The following ST6GALNAC3 variants were observed in gnomAD, a reference collection of about 807,000 sequenced individuals.
The protein encoded by ST6GALNAC3 is ST6 N-acetylgalactosaminide alpha-2,6-sialyltransferase 3, also known as alpha-N-acetylgalactosaminide alpha-2,6-sialyltransferase 3.
A neutral mutation model predicts 32.7 loss-of-function variants in ST6GALNAC3; 25 were observed. The observed-to-expected ratio is 0.76, with a 90% CI of 0.56 to 1.07. ST6GALNAC3 has a LOEUF of 1.07. Among genes scored for constraint, ST6GALNAC3 ranks in the 50% least tolerant of loss-of-function variants. The probability of loss-of-function intolerance (pLI) is 0.00; values close to 1 mark genes in which losing one functional copy is unlikely to be tolerated. For missense variants in ST6GALNAC3, 355 were observed against 382.4 expected (o/e 0.93, Z 0.60); for synonymous variants, 129 against 133.1 (o/e 0.97, Z 0.21).
At chr1:76,201,077 G>A (rs1441760691) in intron 1 of ST6GALNAC3, among the ~76,000 whole-genome samples, 2 of 152,086 alleles carry the variant, frequency 1.3e-5, no homozygotes, top group Admixed American at 1.3e-4. Flanking sequence ...AGGAAAAAAG[G>A]CCAAGATTAT....
chr1:76,416,878 A>G (rs1654675649), intron 3 of ST6GALNAC3, among the ~76,000 whole-genome samples: 1 of 152,112 alleles, frequency 6.6e-6, no homozygotes, highest in Non-Finnish European at 1.5e-5. Flanking sequence ...CATCTTCCTT[A>G]GGCTCCCAAA....
chr1:76,485,274 T>C (rs1477945066), intron 3 of ST6GALNAC3, among the ~76,000 whole-genome samples: 1 of 152,184 alleles, frequency 6.6e-6, no homozygotes, highest in Admixed American at 6.5e-5. Flanking sequence ...TTTCTATTGA[T>C]TGGAATAGTT....
chr1:76,358,010 A>G (rs1649625128), intron 2 of ST6GALNAC3, among the ~76,000 whole-genome samples: 1 of 152,074 alleles, frequency 6.6e-6, no homozygotes, highest in South Asian at 2.1e-4. Context: ...CTTTTTCATT[A>G]TTTTTATTAA....
chr1:76,098,896 A>C (rs889628501), intron 1 of ST6GALNAC3, among the ~76,000 whole-genome samples: 1 of 152,076 alleles, frequency 6.6e-6, no homozygotes. Context: ...TAGAAACTAC[A>C]TTATTTTGCC....
chr1:76,634,760 C>T (rs1402923116), downstream of ST6GALNAC3, among the ~76,000 whole-genome samples: 3 of 32,126 alleles, frequency 9.3e-5, no homozygotes, highest in East Asian at 1.0e-3. Context: ...AGTGCAGTGG[C>T]GGGATCTCGG....
intron 3 of ST6GALNAC3, among the ~76,000 whole-genome samples, chr1:76,607,144 G>T (rs1295024928): frequency 6.6e-6 from 1 of 152,106 alleles, no homozygotes; most frequent in Admixed American, 6.5e-5. Context: ...CACCATTGCT[G>T]GTTTACTATA....
At chr1:76,407,893 C>A (rs912771424) in intron 2 of ST6GALNAC3, among the ~76,000 whole-genome samples, 8 of 151,904 alleles carry the variant, frequency 5.3e-5, no homozygotes, top group Admixed American at 4.6e-4. Flanking sequence ...GCCCCCAAAT[C>A]AAATAATATG....
intron 3 of ST6GALNAC3, among the ~76,000 whole-genome samples, chr1:76,472,559 T>G (rs1188006571): frequency 6.6e-6 from 1 of 152,138 alleles, no homozygotes; most frequent in African/African-American, 2.4e-5. Flanking sequence ...ACCCAGACTC[T>G]GCTACTCACT....
intron 2 of ST6GALNAC3, among the ~76,000 whole-genome samples, chr1:76,348,304 C>T (rs1216811125): frequency 6.6e-6 from 1 of 152,120 alleles, no homozygotes; most frequent in Non-Finnish European, 1.5e-5. Flanking sequence ...TCAGAGATCA[C>T]CTGTGATTTT....
At chr1:76,255,611 C>T (rs985138474) in intron 1 of ST6GALNAC3, among the ~76,000 whole-genome samples, 1 of 152,128 alleles carries the variant, frequency 6.6e-6, no homozygotes, top group Non-Finnish European at 1.5e-5. Flanking sequence ...TTCAAATGCA[C>T]TTTGCTACAG....
chr1:76,165,545 A>T (rs1400441456), intron 1 of ST6GALNAC3, among the ~76,000 whole-genome samples: 2 of 152,160 alleles, frequency 1.3e-5, no homozygotes, highest in Non-Finnish European at 2.9e-5. Context: ...CAGTAATGAG[A>T]TTACTAGGTC....
chr1:76,429,645 G>C (rs1454808328), intron 3 of ST6GALNAC3, among the ~76,000 whole-genome samples: 2 of 152,130 alleles, frequency 1.3e-5, no homozygotes, highest in African/African-American at 4.8e-5. Flanking sequence ...TAAGACTCTT[G>C]AGCACTGGAA....
At chr1:76,278,292 G>T (rs1470896026) in intron 1 of ST6GALNAC3, among the ~76,000 whole-genome samples, 1 of 133,814 alleles carries the variant, frequency 7.5e-6, no homozygotes, top group Non-Finnish European at 1.5e-5. Context: ...CGCGATCTCG[G>T]CTCACTGCAA....
chr1:76,244,260 G>T (rs774212152), intron 1 of ST6GALNAC3, among the ~76,000 whole-genome samples: 11 of 152,026 alleles, frequency 7.2e-5, no homozygotes, highest in Non-Finnish European at 1.3e-4. Flanking sequence ...TTTATTGTTG[G>T]TGTATAGGAA....
rs373351602 is a variant in ST6GALNAC3, at chr1:76,401,572, G to A, written c.214-10436G>A. Among the ~76,000 whole-genome samples, 39 of 152,146 alleles carry A rather than the reference G, an allele frequency of 2.6e-4. 1 individual carries two copies. The South Asian group carries it at 7.5e-3, about 29-fold the overall frequency. Reference sequence around the variant, plus strand: ...TCTGAAGTTTTTAATTGTGTATGGGGCATTGTGCTTAAAACTTTATTTGTA... The same window carrying A: ...TCTGAAGTTTTTAATTGTGTATGGGACATTGTGCTTAAAACTTTATTTGTA... On this transcript the variant is annotated intron_variant, in intron 2 of 4. Coordinates refer to ENST00000328299, the MANE Select transcript of ST6GALNAC3 (RefSeq NM_152996.4).
chr1:76,320,049 A>G (rs1409686382), intron 2 of ST6GALNAC3, among the ~76,000 whole-genome samples: 2 of 152,228 alleles, frequency 1.3e-5, no homozygotes, highest in African/African-American at 4.8e-5. Flanking sequence ...ATATCTCCAG[A>G]CAATCTATGA....
intron 1 of ST6GALNAC3, among the ~76,000 whole-genome samples, chr1:76,223,999 A>G (rs558713262): frequency 1.8e-3 from 276 of 152,260 alleles, no homozygotes; most frequent in Middle Eastern, 6.8e-3. Flanking sequence ...AGAATATCCT[A>G]ACTCTTTAGT....
chr1:76,477,615 C>T (rs944392369), intron 3 of ST6GALNAC3, among the ~76,000 whole-genome samples: 2 of 152,136 alleles, frequency 1.3e-5, no homozygotes, highest in Admixed American at 6.6e-5. Context: ...ATCACGAAAG[C>T]CCAAGCACAT....
chr1:76,295,715 T>C (rs1660363843), intron 1 of ST6GALNAC3, among the ~76,000 whole-genome samples: 4 of 152,074 alleles, frequency 2.6e-5, no homozygotes, highest in Non-Finnish European at 5.9e-5. Context: ...GACACAGTTA[T>C]TGTTGAAGAC....
Sources: allele counts gnomAD v4.1 joint callset (sites outside exome capture counted in the v4.1 genomes callset), GRCh38; gene constraint gnomAD v4.1.1; transcripts MANE v1.5; gene names NCBI Gene and HGNC (gene_info 2026-07-23, HGNC 2026-07-21).